GSAP: variants seen among roughly 807,000 people sequenced by gnomAD.
The protein encoded by GSAP is gamma-secretase-activating protein.
A neutral mutation model predicts 131.7 loss-of-function variants in GSAP; 118 were observed. The ratio of observed to expected loss-of-function variants is 0.90; its 90% CI spans 0.77 to 1.04. The LOEUF (loss-of-function observed/expected upper bound fraction) is 1.04. Among genes scored for constraint, GSAP ranks in the 50% least tolerant of loss-of-function variants. The pLI is 0.00. For missense variants in GSAP, 1,019 were observed against 1,013.2 expected, an observed-to-expected ratio of 1.01 and a Z score of -0.08; for synonymous variants, 381 against 363.4, an observed-to-expected ratio of 1.05 and a Z score of -0.55.
In GSAP at chr7:77,353,556, C is replaced by A. The variant is rs1319129439; in HGVS notation, c.1408+16G>T. On this transcript the variant is annotated intron_variant, in intron 17 of 30. Transcript: ENST00000257626. ...GTCAAGTATTCAACTTAAGCTGCAACATCAGCAACACTTACCAATTATAAA... is the reference window on the plus strand; with the variant it reads ...GTCAAGTATTCAACTTAAGCTGCAAAATCAGCAACACTTACCAATTATAAA... 9 of 1,575,002 alleles carry A rather than the reference C, an allele frequency of 5.7e-6. No individual in the cohort carries two copies. Among genetic ancestry groups the A allele is most frequent in the Admixed American group, 3.4e-5 (2 of 59,352 alleles).
chr7:77,372,458 G>A (rs1452817582), intron 12 of GSAP, among the ~76,000 whole-genome samples: 1 of 152,140 alleles, frequency 6.6e-6, no homozygotes, highest in African/African-American at 2.4e-5. Flanking sequence ...ATTGATTAAT[G>A]TGATTAATTT....
intron 12 of GSAP, among the ~76,000 whole-genome samples, chr7:77,369,272 T>TA (rs1795775251): frequency 1.3e-5 from 2 of 152,208 alleles, no homozygotes; most frequent in African/African-American, 2.4e-5. Flanking sequence ...AATAGTAAGA[T>TA]ATGCTTTCAA....
chr7:77,326,309 A>G, intron 22 of GSAP, 36 bp from the exon 23 acceptor site: 1 of 1,415,066 alleles, frequency 7.1e-7, no homozygotes, highest in Non-Finnish European at 9.9e-7. Context: ...GGCTCTGAGC[A>G]GTTTTCAGGA....
At position 77,382,539 on chromosome 7, in the gene GSAP, T is replaced by A; in HGVS notation, c.526+35A>T. 4.5e-6 allele frequency: 5 copies of A among 1,114,486 alleles called. No individual in the cohort carries two copies. In the East Asian group the frequency reaches 1.2e-4, roughly 26 times the overall value. The allele number at this position is 1,114,486 out of a possible 1,614,324, so 69.0% of individuals were successfully genotyped here. A position where few individuals can be genotyped will look rare whatever the true frequency, so the allele number is the denominator to read the frequency against. ...ACACTAGGAGACGATATGCCATTCA[T>A]GAAATTCCCATATTCCACCTAAAGA... On this transcript the variant is annotated intron_variant, in intron 7 of 30. Coordinates refer to ENST00000257626, the MANE Select transcript of GSAP (RefSeq NM_017439.4).
At chr7:77,356,910 C>G (rs1347337263) in intron 14 of GSAP, among the ~76,000 whole-genome samples, 1 of 152,198 alleles carries the variant, frequency 6.6e-6, no homozygotes, top group East Asian at 1.9e-4. Context: ...TACAAGTGTC[C>G]TTTCAGTCAA....
intron 19 of GSAP, among the ~76,000 whole-genome samples, chr7:77,339,107 G>A (rs1431280980): frequency 2.0e-5 from 3 of 152,122 alleles, no homozygotes; most frequent in African/African-American, 7.2e-5. Flanking sequence ...CCTCCTGTTG[G>A]GTAAGTATGG....
intron 12 of GSAP, among the ~76,000 whole-genome samples, chr7:77,371,956 T>C (rs1424018209): frequency 6.6e-6 from 1 of 152,230 alleles, no homozygotes; most frequent in East Asian, 1.9e-4. Flanking sequence ...ATACAGTAGT[T>C]ACCACTTAAC....
chr7:77,415,412 G>T (rs756693625), intron 1 of GSAP: 1 of 152,262 alleles, frequency 6.6e-6, no homozygotes, highest in Non-Finnish European at 1.5e-5. Context: ...AATATTTATA[G>T]AAGACTTTTA....
chr7:77,359,850 T>C (rs1794283172), intron 14 of GSAP, among the ~76,000 whole-genome samples: 1 of 152,200 alleles, frequency 6.6e-6, no homozygotes, highest in Admixed American at 6.5e-5. Flanking sequence ...TGATAAAGCA[T>C]TGCTGATAAG....
At chr7:77,407,647 T>A (rs1414866855) in intron 1 of GSAP, among the ~76,000 whole-genome samples, 2 of 152,170 alleles carry the variant, frequency 1.3e-5, no homozygotes, top group African/African-American at 4.8e-5. Flanking sequence ...TATTATGTGA[T>A]GCAAAAAAAA....
intron 5 of GSAP, among the ~76,000 whole-genome samples, chr7:77,392,712 C>T (rs755220656): frequency 2.0e-5 from 3 of 152,154 alleles, no homozygotes; most frequent in Non-Finnish European, 4.4e-5. Context: ...GTGATCCAGG[C>T]ACATGCTGTG....
rs568112502 is a variant in GSAP at position 77,310,917 on chromosome 7, TCA to T, written c.*439_*440del. ...ATGGCAAATCTGATTTAGTACAAATTCAGTTTTTAAAAGGACCCTCTTTCCAA... is the reference window on the plus strand; with the variant it reads ...ATGGCAAATCTGATTTAGTACAAATTGTTTTTAAAAGGACCCTCTTTCCAA... On this transcript the variant is annotated 3_prime_UTR_variant, in exon 31 of 31. Transcript: ENST00000257626. The T allele has an allele frequency of 7.5e-3, 1,170 of 155,638 alleles. 5 individuals carry two copies. The highest frequency in any genetic ancestry group is 0.012 in the Admixed American group (186 of 15,924). 9.6% of individuals were successfully genotyped at this position (155,638 alleles called of 1,614,324 possible).
chr7:77,388,205 C>CA (rs1798867291), intron 5 of GSAP, among the ~76,000 whole-genome samples: 1 of 152,236 alleles, frequency 6.6e-6, no homozygotes, highest in Admixed American at 6.5e-5. Flanking sequence ...TGTTTGTACT[C>CA]ACTCCATGCC....
At chr7:77,344,261 G>A (rs944627582) in intron 19 of GSAP, among the ~76,000 whole-genome samples, 1 of 152,002 alleles carries the variant, frequency 6.6e-6, no homozygotes, top group Admixed American at 6.6e-5. Flanking sequence ...GAACCTTCAG[G>A]CCCCTTACCA....
rs572809963 is a variant in GSAP, at chr7:77,399,146, C to T, written c.244-1731G>A. Among the ~76,000 whole-genome samples, 4 of 152,264 alleles carry T rather than the reference C, an allele frequency of 2.6e-5. No individual in the cohort carries two copies. The South Asian group carries it at 8.3e-4, about 32-fold the overall frequency. Reference sequence around the variant, plus strand: ...AGATATTTCTGTAGAATCAAAACCTCAAAGTGGAATTTCTAGGTCAATAGG... The same window carrying T: ...AGATATTTCTGTAGAATCAAAACCTTAAAGTGGAATTTCTAGGTCAATAGG... On this transcript the variant is annotated intron_variant, in intron 3 of 30. Coordinates refer to ENST00000257626, the MANE Select transcript of GSAP (RefSeq NM_017439.4).
In GSAP at chr7:77,394,745, C is replaced by T. The variant is rs115539343; in HGVS notation, c.367+2237G>A. Reference sequence around the variant, plus strand: ...ATGGAAAGGAAGACCATTTATCTTTCAGCTCCTTGCCACCATTGGTCATGG... The same window carrying T: ...ATGGAAAGGAAGACCATTTATCTTTTAGCTCCTTGCCACCATTGGTCATGG... On this transcript the variant is annotated intron_variant, in intron 5 of 30. Transcript: ENST00000257626. 1.6e-3 allele frequency among the ~76,000 whole-genome samples: 241 copies of T among 152,330 alleles called. 1 individual carries two copies. Among genetic ancestry groups the T allele is most frequent in the African/African-American group, 5.7e-3 (238 of 41,564 alleles).
At chr7:77,342,249 T>C (rs2103248) in intron 19 of GSAP, among the ~76,000 whole-genome samples, 40,643 of 151,928 alleles carry the variant, frequency 0.27, 6,317 homozygotes, top group East Asian at 0.45. Context: ...AAGGTAAGTC[T>C]GCCCCCTTCT....
At chr7:77,381,461 A>G in intron 7 of GSAP, 107 bp from the exon 8 acceptor site, 1 of 527,484 alleles carries the variant, frequency 1.9e-6, no homozygotes, top group Non-Finnish European at 3.3e-6. Flanking sequence ...TGCAGATTGA[A>G]CAACTGGCCA....
At chr7:77,342,231 T>TA (rs921430079) in intron 19 of GSAP, among the ~76,000 whole-genome samples, 15 of 152,278 alleles carry the variant, frequency 9.9e-5, no homozygotes, top group African/African-American at 3.1e-4. Context: ...TGGCAACTCT[T>TA]ACAGTGGAAG....
Sources: allele counts gnomAD v4.1 joint callset (sites outside exome capture counted in the v4.1 genomes callset), GRCh38; gene constraint gnomAD v4.1.1; transcripts MANE v1.5; gene names NCBI Gene and HGNC (gene_info 2026-07-23, HGNC 2026-07-21).